AOPEP: variants seen among roughly 807,000 people sequenced by gnomAD.
The protein encoded by AOPEP is aminopeptidase O.
AOPEP carries 77 observed loss-of-function variants against 98.1 expected under a neutral mutation model. The observed-to-expected ratio is 0.78, with a 90% CI of 0.65 to 0.95. The LOEUF (loss-of-function observed/expected upper bound fraction) is 0.95. AOPEP is among the 40% of genes least tolerant of loss of function. The pLI is 0.00. For synonymous variants in AOPEP, 346 were observed against 365.3 expected (o/e 0.95, Z 0.60); for missense variants, 1,024 against 1,024.7 (o/e 1.00, Z 0.01).
At chr9:95,107,610 C>G in the AOPEP span, 1 of 419,930 alleles carries the variant, frequency 2.4e-6, no homozygotes, top group Non-Finnish European at 4.4e-6. Flanking sequence ...CTTGAAGACT[C>G]GCCTATCACA....
At chr9:95,020,502 T>C (rs1278370363) in intron 13 of AOPEP, among the ~76,000 whole-genome samples, 1 of 152,094 alleles carries the variant, frequency 6.6e-6, no homozygotes, top group Non-Finnish European at 1.5e-5. Flanking sequence ...ACTGCACGGG[T>C]TGATGTCAAA....
At chr9:94,953,164 C>T (rs2058226853) in intron 7 of AOPEP, among the ~76,000 whole-genome samples, 1 of 152,166 alleles carries the variant, frequency 6.6e-6, no homozygotes, top group Non-Finnish European at 1.5e-5. Flanking sequence ...GATGGGCTTT[C>T]CTTATCAAAG....
intron 13 of AOPEP, among the ~76,000 whole-genome samples, chr9:95,014,089 C>G (rs1440714288): frequency 2.0e-5 from 3 of 152,182 alleles, no homozygotes; most frequent in Non-Finnish European, 4.4e-5. Flanking sequence ...ATTTTACTAT[C>G]TTGTTATCCT....
chr9:94,729,072 T>G (rs2131617552), intron 1 of AOPEP, among the ~76,000 whole-genome samples: 1 of 152,348 alleles, frequency 6.6e-6, no homozygotes, highest in South Asian at 2.1e-4. Context: ...AGTTGGAGTC[T>G]ATGAATATCT....
intron 6 of AOPEP, among the ~76,000 whole-genome samples, chr9:94,925,480 G>A (rs2054180697): frequency 6.6e-6 from 1 of 152,216 alleles, no homozygotes; most frequent in African/African-American, 2.4e-5. Context: ...GCTAGCCCAG[G>A]CTGATTACCC....
intron 11 of AOPEP, among the ~76,000 whole-genome samples, chr9:94,990,026 A>G (rs2060793879): frequency 6.6e-6 from 1 of 152,278 alleles, no homozygotes; most frequent in African/African-American, 2.4e-5. Context: ...CCATGAGCTC[A>G]TGGTTTGTGG....
chr9:95,035,106 C>T (rs751125861), intron 13 of AOPEP, among the ~76,000 whole-genome samples: 1 of 151,754 alleles, frequency 6.6e-6, no homozygotes, highest in Non-Finnish European at 1.5e-5. Flanking sequence ...TCTCCTAATG[C>T]TATCCCTCCC....
intron 5 of AOPEP, among the ~76,000 whole-genome samples, chr9:94,847,152 A>ACACACACACACACACT (rs1448564968): frequency 0.023 from 3,198 of 140,474 alleles, 59 homozygotes; most frequent in South Asian, 0.031. Context: ...ACACACACAC[A>ACACACACACACACACT]CTCTCTCTGT....
chr9:94,733,752 T>C (rs760956084), intron 1 of AOPEP, among the ~76,000 whole-genome samples: 17 of 152,202 alleles, frequency 1.1e-4, no homozygotes, highest in Non-Finnish European at 2.4e-4. Context: ...TCTAAAGATA[T>C]TTAAGCTATA....
intron 4 of AOPEP, 24 bp from the exon 5 acceptor site, chr9:94,800,733 C>G: frequency 6.2e-7 from 1 of 1,611,048 alleles, no homozygotes; most frequent in Non-Finnish European, 8.5e-7. Flanking sequence ...ACATGTTTTA[C>G]CATTTATTTT....
the AOPEP span, chr9:95,123,857 A>C: frequency 1.7e-6 from 1 of 599,794 alleles, no homozygotes; most frequent in Non-Finnish European, 3.2e-6. Context: ...ACCCCCACCA[A>C]AGCCCACGTA....
chr9:94,984,943 G>A (rs2060424997), intron 11 of AOPEP, among the ~76,000 whole-genome samples: 1 of 152,236 alleles, frequency 6.6e-6, no homozygotes, highest in African/African-American at 2.4e-5. Flanking sequence ...GGAGTGCTGG[G>A]TTCACAGTAG....
the AOPEP span, among the ~76,000 whole-genome samples, chr9:95,132,673 C>T: frequency 6.6e-6 from 1 of 152,096 alleles, no homozygotes; most frequent in Non-Finnish European, 1.5e-5. Flanking sequence ...GAAAACTTTT[C>T]TTTTATTTTA....
intron 7 of AOPEP, chr9:94,931,627 T>G: frequency 1.2e-6 from 1 of 840,088 alleles, no homozygotes; most frequent in South Asian, 1.5e-5. Flanking sequence ...AACAATCAGA[T>G]GCTATCTTGT....
chr9:94,860,908 T>G (rs904448780), intron 5 of AOPEP, among the ~76,000 whole-genome samples: 10 of 152,326 alleles, frequency 6.6e-5, no homozygotes, highest in Admixed American at 1.3e-4. Flanking sequence ...TCAGGAGACT[T>G]GGGTTCTAGC....
intron 13 of AOPEP, among the ~76,000 whole-genome samples, chr9:95,028,311 C>G (rs770346930): frequency 1.3e-5 from 2 of 152,228 alleles, no homozygotes; most frequent in Non-Finnish European, 2.9e-5. Flanking sequence ...GAATCACCCT[C>G]GTGGGAGTGA....
chr9:94,810,338 A>G (rs964718551), intron 5 of AOPEP, among the ~76,000 whole-genome samples: 3 of 149,590 alleles, frequency 2.0e-5, no homozygotes, highest in Non-Finnish European at 4.4e-5. Flanking sequence ...TTTTTGAGAC[A>G]GAGTCTCGCT....
the AOPEP span, among the ~76,000 whole-genome samples, chr9:95,098,271 C>T: frequency 2.0e-5 from 3 of 152,272 alleles, no homozygotes; most frequent in Non-Finnish European, 4.4e-5. Flanking sequence ...CCTGTCAAGA[C>T]CCCATTCGTA....
In AOPEP at chr9:94,910,149, C is replaced by A. The variant is rs868788376; in HGVS notation, c.1365-13837C>A. Among the ~76,000 whole-genome samples the A allele has an allele frequency of 6.6e-5, 10 of 152,300 alleles. No individual in the cohort carries two copies. The South Asian group carries it at 8.3e-4, about 13-fold the overall frequency. ...ACTAGTTTTCTCCCTGGCAGCCCTC[C>A]GTCCATTCTCACCTTTCCTCCTCAC... On this transcript the variant is annotated intron_variant, in intron 5 of 16. Transcript: ENST00000375315.
Sources: allele counts gnomAD v4.1 joint callset (sites outside exome capture counted in the v4.1 genomes callset), GRCh38; gene constraint gnomAD v4.1.1; transcripts MANE v1.5; gene names NCBI Gene and HGNC (gene_info 2026-07-23, HGNC 2026-07-21).